The following PTPRM variants were observed in gnomAD, a reference collection of about 807,000 sequenced individuals.
PTPRM encodes the protein protein tyrosine phosphatase receptor type M, also known as receptor-type tyrosine-protein phosphatase mu.
In PTPRM, 47 loss-of-function variants were observed where a neutral mutation model predicts 186.7. That is an observed-to-expected ratio of 0.25 (90% CI 0.20 to 0.32). The LOEUF (loss-of-function observed/expected upper bound fraction) is 0.32, where lower values mean the gene tolerates loss of function less well. Among genes scored for constraint, PTPRM ranks in the 10% least tolerant of loss-of-function variants. The probability of loss-of-function intolerance (pLI) is 1.00; values close to 1 mark genes in which losing one functional copy is unlikely to be tolerated. For synonymous variants in PTPRM, 668 were observed against 674.9 expected (o/e 0.99, Z 0.16); for missense variants, 1,494 against 1,865.0 (o/e 0.80, Z 3.66).
intron 31 of PTPRM, among the ~76,000 whole-genome samples, chr18:8,392,767 A>G (rs992624090): frequency 7.2e-5 from 11 of 152,200 alleles, no homozygotes; most frequent in Admixed American, 2.0e-4. Flanking sequence ...TCAGAAAAGA[A>G]CAAAAGAGCC....
At chr18:8,333,453 C>T (rs1028180687) in intron 22 of PTPRM, among the ~76,000 whole-genome samples, 1 of 152,066 alleles carries the variant, frequency 6.6e-6, no homozygotes, top group African/African-American at 2.4e-5. Context: ...AAAAGCTACT[C>T]AATGTAAAAT....
chr18:8,204,781 A>C (rs1179135163), intron 14 of PTPRM, among the ~76,000 whole-genome samples: 1 of 152,062 alleles, frequency 6.6e-6, no homozygotes, highest in Non-Finnish European at 1.5e-5. Flanking sequence ...CAAAAAAAAA[A>C]CAAAAACAAA....
At chr18:7,802,881 G>C (rs980298440) in intron 2 of PTPRM, among the ~76,000 whole-genome samples, 2 of 152,152 alleles carry the variant, frequency 1.3e-5, no homozygotes, top group South Asian at 4.1e-4. Context: ...AAAACTCAGG[G>C]AAGTTACAGT....
chr18:7,904,888 T>G (rs1310272022), intron 3 of PTPRM, among the ~76,000 whole-genome samples: 2 of 152,224 alleles, frequency 1.3e-5, no homozygotes, highest in Admixed American at 1.3e-4. Context: ...AACATTCATG[T>G]GGATCTTTTA....
intron 14 of PTPRM, among the ~76,000 whole-genome samples, chr18:8,173,041 G>A (rs1568463360): frequency 6.6e-6 from 1 of 152,176 alleles, no homozygotes; most frequent in Admixed American, 6.5e-5. Context: ...GATTAGGAGT[G>A]GTAGAGAGAC....
At chr18:7,869,363 A>G (rs9946023) in intron 2 of PTPRM, among the ~76,000 whole-genome samples, 12,141 of 152,212 alleles carry the variant, frequency 0.08, 614 homozygotes, top group African/African-American at 0.15. Flanking sequence ...TGTGGGTTGC[A>G]AAGACTGTGG....
At chr18:7,843,956 C>T (rs1236563935) in intron 2 of PTPRM, among the ~76,000 whole-genome samples, 1 of 152,184 alleles carries the variant, frequency 6.6e-6, no homozygotes, top group Non-Finnish European at 1.5e-5. Context: ...GGATAACATA[C>T]ATATGGCCTC....
chr18:8,190,825 A>G (rs1344316649), intron 14 of PTPRM, among the ~76,000 whole-genome samples: 1 of 152,254 alleles, frequency 6.6e-6, no homozygotes, highest in Non-Finnish European at 1.5e-5. Context: ...TACAAAAAAC[A>G]ACATTGTCAT....
intron 2 of PTPRM, among the ~76,000 whole-genome samples, chr18:7,835,137 A>G (rs756396854): frequency 1.3e-4 from 20 of 149,866 alleles, no homozygotes; most frequent in Admixed American, 1.3e-3. Flanking sequence ...TTATTCTACT[A>G]AACTTGGGTT....
chr18:8,197,028 T>A (rs1185782004), intron 14 of PTPRM, among the ~76,000 whole-genome samples: 1 of 152,228 alleles, frequency 6.6e-6, no homozygotes, highest in Non-Finnish European at 1.5e-5. Context: ...TAAATGCTTA[T>A]TTCAAGCACT....
At chr18:7,777,787 G>C (rs145309432) in intron 2 of PTPRM, among the ~76,000 whole-genome samples, 4 of 152,072 alleles carry the variant, frequency 2.6e-5, no homozygotes, top group African/African-American at 4.8e-5. Context: ...GAAAAGCATC[G>C]TGATGTGATT....
intron 24 of PTPRM, among the ~76,000 whole-genome samples, chr18:8,375,422 G>A (rs980016284): frequency 3.9e-5 from 6 of 152,070 alleles, no homozygotes; most frequent in African/African-American, 9.7e-5. Context: ...TGGATGAATG[G>A]GTAAAATATT....
At chr18:7,903,095 A>T (rs1300271680) in intron 3 of PTPRM, among the ~76,000 whole-genome samples, 3 of 152,232 alleles carry the variant, frequency 2.0e-5, no homozygotes, top group African/African-American at 4.8e-5. Flanking sequence ...GATAGTTTTG[A>T]TGAGGAAAGA....
rs116034709 is a variant in PTPRM, at chr18:7,876,864, G to T, written c.197-11242G>T. On this transcript the variant is annotated intron_variant, in intron 2 of 32. Transcript: ENST00000580170. ...TTAGTATCATGCTTAAGAGCACAAA[G>T]TCCAGAGCACATTTCCCTGAGGTTC... Among the ~76,000 whole-genome samples the T allele has an allele frequency of 7.1e-3, 1,076 of 152,274 alleles. 7 individuals carry two copies. Among genetic ancestry groups the T allele is most frequent in the African/African-American group, 0.025 (1,045 of 41,552 alleles).
At chr18:7,647,235 T>C (rs2038587530) in intron 1 of PTPRM, among the ~76,000 whole-genome samples, 1 of 152,210 alleles carries the variant, frequency 6.6e-6, no homozygotes, top group African/African-American at 2.4e-5. Flanking sequence ...AATAGTCTCC[T>C]GTCAAGTGCA....
intron 1 of PTPRM, among the ~76,000 whole-genome samples, chr18:7,580,772 A>G (rs2036823624): frequency 6.6e-6 from 1 of 152,204 alleles, no homozygotes; most frequent in Admixed American, 6.5e-5. Flanking sequence ...TACATGTACC[A>G]TATTATGTCT....
At chr18:8,196,440 C>A (rs560847275) in intron 14 of PTPRM, among the ~76,000 whole-genome samples, 6 of 152,134 alleles carry the variant, frequency 3.9e-5, no homozygotes, top group Admixed American at 1.3e-4. Context: ...AAGTGCTATG[C>A]CAATACAAGG....
chr18:8,166,935 A>G (rs575618230), intron 14 of PTPRM, among the ~76,000 whole-genome samples: 1 of 152,328 alleles, frequency 6.6e-6, no homozygotes, highest in African/African-American at 2.4e-5. Context: ...CTGGAAAGAA[A>G]GCAGCTGAAA....
chr18:8,402,619 A>G (rs1188409274), intron 32 of PTPRM, among the ~76,000 whole-genome samples: 1 of 151,740 alleles, frequency 6.6e-6, no homozygotes, highest in Non-Finnish European at 1.5e-5. Context: ...TTTCCATTAC[A>G]GAAAGAATTG....
Sources: gnomAD v4.1 joint callset for allele counts (sites outside exome capture counted in the v4.1 genomes callset) on GRCh38, gnomAD v4.1.1 for gene constraint, MANE v1.5 for transcripts, NCBI Gene and HGNC (gene_info 2026-07-23, HGNC 2026-07-21) for gene names.